Variants in DPP6 observed in about 807,000 individuals in gnomAD.
The protein encoded by DPP6 is A-type potassium channel modulatory protein DPP6.
Under a neutral mutation model 122.6 loss-of-function variants are expected in DPP6, and 69 were observed. That is an observed-to-expected ratio of 0.56 (90% confidence interval 0.46 to 0.69). DPP6 has a LOEUF of 0.69. DPP6 is among the 30% of genes least tolerant of loss of function. DPP6 has a pLI of 0.00. For synonymous variants in DPP6, 418 were observed against 433.1 expected, an observed-to-expected ratio of 0.97 and a Z score of 0.43; for missense variants, 928 against 1,116.9, an observed-to-expected ratio of 0.83 and a Z score of 2.41.
At chr7:154,036,900 C>A (rs889515870) in intron 1 of DPP6, among the ~76,000 whole-genome samples, 1 of 152,216 alleles carries the variant, frequency 6.6e-6, no homozygotes, top group African/African-American at 2.4e-5. Flanking sequence ...CTGGCATCTA[C>A]AGACCCAGCA....
intron 5 of DPP6, among the ~76,000 whole-genome samples, chr7:154,591,591 C>T (rs796311481): frequency 7.9e-5 from 12 of 152,232 alleles, no homozygotes; most frequent in African/African-American, 2.9e-4. Flanking sequence ...GAACAGGGGG[C>T]GTGCAGTTCC....
intron 1 of DPP6, among the ~76,000 whole-genome samples, chr7:154,441,504 T>C (rs1429523425): frequency 6.6e-6 from 1 of 152,128 alleles, no homozygotes; most frequent in East Asian, 1.9e-4. Context: ...TCAAAAATCG[T>C]CTCCAACTTA....
chr7:153,870,480 G>T, the DPP6 span, among the ~76,000 whole-genome samples: 2 of 152,218 alleles, frequency 1.3e-5, no homozygotes, highest in South Asian at 4.1e-4. Context: ...CATAATTCTC[G>T]TGCTGTGGTT....
intron 17 of DPP6, among the ~76,000 whole-genome samples, chr7:154,854,597 G>A (rs749042008): frequency 1.3e-5 from 2 of 152,188 alleles, no homozygotes; most frequent in African/African-American, 2.4e-5. Flanking sequence ...AATGCAGGCC[G>A]AAGACAGGTT....
rs77669557 is a variant in DPP6, at chr7:154,241,893, A to T, written c.243+188830A>T. ...CCACCCCTACCCCAACACTCATCCTACTTACCTTCCTCTGGCATTCACAGA... is the reference window on the plus strand; with the variant it reads ...CCACCCCTACCCCAACACTCATCCTTCTTACCTTCCTCTGGCATTCACAGA... On this transcript the variant is annotated intron_variant, in intron 1 of 25. Coordinates refer to ENST00000377770, the MANE Select transcript of DPP6 (RefSeq NM_130797.4). The surrounding 1 kb of genome is among the most constrained non-coding windows in gnomAD (Gnocchi z 9.0). 0.032 allele frequency among the ~76,000 whole-genome samples: 4,933 copies of T among 152,160 alleles called. 135 individuals are homozygous for T. The highest frequency in any genetic ancestry group is 0.076 in the African/African-American group (3,150 of 41,512).
At chr7:154,810,071 G>T (rs901958112) in intron 16 of DPP6, among the ~76,000 whole-genome samples, 1 of 152,340 alleles carries the variant, frequency 6.6e-6, no homozygotes, top group Admixed American at 6.5e-5. Context: ...GGCCAGGCTG[G>T]TCTCACACTC....
intron 1 of DPP6, among the ~76,000 whole-genome samples, chr7:154,373,768 A>G (rs1261062036): frequency 6.6e-6 from 1 of 152,130 alleles, no homozygotes. Flanking sequence ...AAACTGCGCT[A>G]ATTCAACACG....
chr7:153,927,557 G>C (rs1297669282), intron 1 of DPP6, among the ~76,000 whole-genome samples: 2 of 152,192 alleles, frequency 1.3e-5, no homozygotes, highest in Non-Finnish European at 2.9e-5. Flanking sequence ...GGGAAGGTTG[G>C]ATGCCCAGAA....
intron 3 of DPP6, among the ~76,000 whole-genome samples, chr7:154,530,897 C>T (rs190627276): frequency 9.3e-4 from 142 of 152,176 alleles, no homozygotes; most frequent in Admixed American, 1.7e-3. Flanking sequence ...AACACAGGAA[C>T]AGAAAACCAA....
intron 1 of DPP6, among the ~76,000 whole-genome samples, chr7:153,989,947 AAGCCCCACCCCTAAG>A (rs1797072595): frequency 1.4e-5 from 1 of 70,782 alleles, no homozygotes; most frequent in African/African-American, 6.1e-5. Context: ...CGCCCCCAGC[AAGCCCCACCCCTAAG>A]AGCCACACCC....
intron 5 of DPP6, among the ~76,000 whole-genome samples, chr7:154,590,595 C>A (rs935907022): frequency 1.3e-5 from 1 of 78,194 alleles, no homozygotes; most frequent in African/African-American, 5.9e-5. Context: ...AGTGCAATGG[C>A]TCAATCGTGG....
chr7:154,539,338 C>CT (rs1377084050), intron 3 of DPP6, among the ~76,000 whole-genome samples: 1 of 152,022 alleles, frequency 6.6e-6, no homozygotes, highest in East Asian at 1.9e-4. Context: ...GTGTTAATGA[C>CT]TTTAAGAGTC....
chr7:154,873,258 C>T (rs554215218), intron 19 of DPP6, among the ~76,000 whole-genome samples: 2 of 152,352 alleles, frequency 1.3e-5, no homozygotes, highest in South Asian at 4.1e-4. Flanking sequence ...TAGGAGCCGG[C>T]CCAGTGCCCT....
At chr7:154,311,499 CAAA>C (rs112674195) in intron 1 of DPP6, among the ~76,000 whole-genome samples, 1 of 133,322 alleles carries the variant, frequency 7.5e-6, no homozygotes, top group Non-Finnish European at 1.6e-5. Context: ...CCTGTCTCCA[CAAA>C]AAAAAAAAAG....
At chr7:154,399,657 A>G (rs1044593383) in intron 1 of DPP6, among the ~76,000 whole-genome samples, 3 of 152,152 alleles carry the variant, frequency 2.0e-5, no homozygotes, top group Non-Finnish European at 4.4e-5. Context: ...CTTGCCATGG[A>G]AAAGAAGTCT....
At chr7:153,776,850 G>A in the DPP6 span, among the ~76,000 whole-genome samples, 1 of 152,166 alleles carries the variant, frequency 6.6e-6, no homozygotes, top group Non-Finnish European at 1.5e-5. Flanking sequence ...GTGTGACATT[G>A]AGACTTAGAT....
At chr7:154,730,257 C>T (rs547316395) in intron 8 of DPP6, among the ~76,000 whole-genome samples, 3 of 152,246 alleles carry the variant, frequency 2.0e-5, no homozygotes, top group East Asian at 1.9e-4. Context: ...GGAAGGGAAC[C>T]CAGGGGCTGG....
intron 1 of DPP6, among the ~76,000 whole-genome samples, chr7:154,372,555 A>T (rs1169068674): frequency 1.3e-5 from 2 of 152,182 alleles, no homozygotes; most frequent in Non-Finnish European, 2.9e-5. Context: ...ACCTATTCAG[A>T]TATGAAGTCA....
upstream of DPP6, among the ~76,000 whole-genome samples, chr7:154,051,407 G>T (rs62485598): frequency 2.0e-5 from 3 of 149,946 alleles, no homozygotes; most frequent in Admixed American, 6.6e-5. Context: ...CCAGAAGGAC[G>T]GAGAGGAGTG....
Sources: allele counts gnomAD v4.1 joint callset (sites outside exome capture counted in the v4.1 genomes callset), GRCh38; gene constraint gnomAD v4.1.1; non-coding constraint Gnocchi (gnomAD v3.1); transcripts MANE v1.5; gene names NCBI Gene and HGNC (gene_info 2026-07-23, HGNC 2026-07-21).